The following FAM118B variants were observed in gnomAD, a reference collection of about 807,000 sequenced individuals.
FAM118B encodes the protein SIR2 antiphage like 1.
Under a neutral mutation model 38.5 loss-of-function variants are expected in FAM118B, and 24 were observed. That is an observed-to-expected ratio of 0.62 (90% CI 0.45 to 0.88). The LOEUF (loss-of-function observed/expected upper bound fraction) is 0.88, where lower values mean the gene tolerates loss of function less well. Among genes scored for constraint, FAM118B ranks in the 40% least tolerant of loss-of-function variants. The probability of loss-of-function intolerance (pLI) is 0.00; values close to 1 mark genes in which losing one functional copy is unlikely to be tolerated. For missense variants in FAM118B, 334 were observed against 420.0 expected, an observed-to-expected ratio of 0.80 and a Z score of 1.79; for synonymous variants, 138 against 156.3, an observed-to-expected ratio of 0.88 and a Z score of 0.87.
intron 4 of FAM118B, among the ~76,000 whole-genome samples, chr11:126,249,056 A>C (rs1451149483): frequency 6.6e-6 from 1 of 152,224 alleles, no homozygotes; most frequent in Non-Finnish European, 1.5e-5. Flanking sequence ...TCTGAAAAGC[A>C]GTTATTTAAG....
chr11:126,217,224 G>A (rs1393434891), intron 1 of FAM118B, among the ~76,000 whole-genome samples: 2 of 152,292 alleles, frequency 1.3e-5, no homozygotes, highest in East Asian at 3.9e-4. Context: ...TTGAGAGTCT[G>A]CTGTATCTTC....
At chr11:126,218,847 A>G (rs1950018160) in intron 1 of FAM118B, among the ~76,000 whole-genome samples, 2 of 152,148 alleles carry the variant, frequency 1.3e-5, no homozygotes, top group African/African-American at 4.8e-5. Context: ...AGGCTTGGAG[A>G]ACCTTTTAGT....
At chr11:126,225,029 G>A (rs1205454061) in intron 1 of FAM118B, among the ~76,000 whole-genome samples, 1 of 152,192 alleles carries the variant, frequency 6.6e-6, no homozygotes, top group African/African-American at 2.4e-5. Flanking sequence ...TCTCTTTTAT[G>A]TGAATAAGAA....
chr11:126,246,602 T>G (rs1019141567), intron 4 of FAM118B, among the ~76,000 whole-genome samples: 1 of 152,076 alleles, frequency 6.6e-6, no homozygotes, highest in Non-Finnish European at 1.5e-5. Context: ...GGGAACAGGT[T>G]TTTTTTCTTT....
At chr11:126,240,126 G>A (rs1950336213) in intron 3 of FAM118B, among the ~76,000 whole-genome samples, 1 of 152,144 alleles carries the variant, frequency 6.6e-6, no homozygotes, top group Non-Finnish European at 1.5e-5. Context: ...TCTCACATAT[G>A]GGCCTCAGAA....
intron 2 of FAM118B, among the ~76,000 whole-genome samples, chr11:126,229,551 T>C (rs1319604204): frequency 6.6e-6 from 1 of 152,144 alleles, no homozygotes; most frequent in Non-Finnish European, 1.5e-5. Context: ...CAAGCGACTC[T>C]ACTGCCTCAG....
chr11:126,247,189 G>A (rs1182154369), intron 4 of FAM118B, among the ~76,000 whole-genome samples: 1 of 152,148 alleles, frequency 6.6e-6, no homozygotes, highest in Non-Finnish European at 1.5e-5. Context: ...CCACTTGGGA[G>A]ACTGAGGCAG....
intron 2 of FAM118B, among the ~76,000 whole-genome samples, chr11:126,231,746 G>C (rs1291803906): frequency 6.6e-6 from 1 of 152,186 alleles, no homozygotes; most frequent in Non-Finnish European, 1.5e-5. Flanking sequence ...TTCAGGTCTA[G>C]ACATCATGAA....
At chr11:126,221,000 A>G (rs570388137) in intron 1 of FAM118B, among the ~76,000 whole-genome samples, 1 of 152,238 alleles carries the variant, frequency 6.6e-6, no homozygotes, top group African/African-American at 2.4e-5. Flanking sequence ...CAGCCTGGCC[A>G]ACATAGTGAA....
intron 1 of FAM118B, among the ~76,000 whole-genome samples, chr11:126,227,746 A>C (rs1950161507): frequency 6.6e-6 from 1 of 152,160 alleles, no homozygotes; most frequent in Admixed American, 6.5e-5. Flanking sequence ...CTTAATCACT[A>C]CAGACAGTTA....
intron 4 of FAM118B, among the ~76,000 whole-genome samples, chr11:126,246,880 A>T (rs941076451): frequency 1.7e-4 from 26 of 152,160 alleles, no homozygotes; most frequent in African/African-American, 6.0e-4. Flanking sequence ...TTATGTTTTC[A>T]TTCCTTTGTC....
At position 126,240,872 on chromosome 11, in the gene FAM118B, C is replaced by T. The variant is rs753783931; in HGVS notation, c.167C>T (p.Ala56Val). Reference sequence around the variant, plus strand: ...GGAACAGGCATTAGTGCTGCAGTTGCGCCCCAAGTTCCAGCCCTCAAATCC... The same window carrying T: ...GGAACAGGCATTAGTGCTGCAGTTGTGCCCCAAGTTCCAGCCCTCAAATCC... ...VIGTGISAAV[A>V]PQVPALKSWK... Residue 56 changes from alanine (A) to valine (V), a missense_variant, in exon 4 of 9, where the codon GCG becomes GTG. Transcript: ENST00000533050. The T allele has an allele frequency of 8.7e-6, 14 of 1,614,030 alleles. No individual in the cohort carries two copies. Among genetic ancestry groups the T allele is most frequent in the East Asian group, 2.2e-5 (1 of 44,904 alleles).
intron 3 of FAM118B, among the ~76,000 whole-genome samples, chr11:126,236,065 C>A (rs1232748287): frequency 6.6e-6 from 1 of 152,216 alleles, no homozygotes; most frequent in African/African-American, 2.4e-5. Flanking sequence ...ATTCTTCCTT[C>A]TGGATGCTAG....
chr11:126,236,880 C>T (rs775673301), intron 3 of FAM118B, among the ~76,000 whole-genome samples: 1 of 115,900 alleles, frequency 8.6e-6, no homozygotes, highest in Non-Finnish European at 1.8e-5. Context: ...TTTGTTTGTT[C>T]ATTTTTTCAT....
Position 126,255,914 on chromosome 11 carries a change from C to T in FAM118B, c.697-653C>T, listed in dbSNP as rs1351025060. Among the ~76,000 whole-genome samples, 1 of 152,126 alleles carries T rather than the reference C, an allele frequency of 6.6e-6. No homozygotes were observed. Among genetic ancestry groups the T allele is most frequent in the Non-Finnish European group, 1.5e-5 (1 of 68,022 alleles). On this transcript the variant is annotated intron_variant, in intron 6 of 8. Transcript: ENST00000533050. The surrounding 1 kb of genome is among the most constrained non-coding windows in gnomAD (Gnocchi z 4.6). Reference sequence around the variant, plus strand: ...GAGGTTGCAGTGAGCCAAGACCATGCCACTGCACTCCAGCCTAGGTGGCAG... The same window carrying T: ...GAGGTTGCAGTGAGCCAAGACCATGTCACTGCACTCCAGCCTAGGTGGCAG...
chr11:126,261,424 G>A lies in FAM118B; in HGVS notation c.983-1G>A. On this transcript the variant is annotated splice_acceptor_variant, in intron 7 of 8. Coordinates refer to ENST00000533050, the MANE Select transcript of FAM118B (RefSeq NM_024556.4). LOFTEE classifies it high-confidence loss of function. ...GTCTGATGCTGATGTCCTCTATTTA[G>A]CAGGGATGGTGAGAGAAGGTCAGCT... 6.2e-7 allele frequency: 1 copy of A among 1,613,572 alleles called. No individual in the cohort carries two copies. Among genetic ancestry groups the A allele is most frequent in the Non-Finnish European group, 8.5e-7 (1 of 1,179,570 alleles).
At position 126,262,340 on chromosome 11, in the gene FAM118B, C is replaced by A. The variant is rs2135231330; in HGVS notation, c.*207C>A. 3.5e-3 allele frequency: 1,388 copies of A among 395,140 alleles called. No individual in the cohort carries two copies. Among genetic ancestry groups the A allele is most frequent in the East Asian group, 5.3e-3 (98 of 18,472 alleles). The allele number at this position is 395,140 out of a possible 1,614,324, so 24.5% of individuals were successfully genotyped here. ...TGATATTCTGCCGCCTGTTCAAGTT[C>A]AAGAATAAAAGCGACAGCAGGACCC... On this transcript the variant is annotated 3_prime_UTR_variant, in exon 9 of 9. Transcript: ENST00000533050.
chr11:126,229,078 C>T (rs1009383559), intron 1 of FAM118B, 147 bp from the exon 2 acceptor site: 2 of 151,934 alleles, frequency 1.3e-5, no homozygotes, highest in Non-Finnish European at 2.9e-5. Context: ...GTTATCTTGC[C>T]CTTAAAGAGT....
intron 4 of FAM118B, chr11:126,245,428 A>C (rs1950407078): frequency 2.6e-5 from 4 of 152,258 alleles, no homozygotes; most frequent in Admixed American, 2.6e-4. Flanking sequence ...CAGCATGGCA[A>C]AGGATTCTCA....
Sources: gnomAD v4.1 joint callset for allele counts (sites outside exome capture counted in the v4.1 genomes callset) on GRCh38, gnomAD v4.1.1 for gene constraint, Gnocchi (gnomAD v3.1) non-coding constraint, MANE v1.5 for transcripts, NCBI Gene and HGNC (gene_info 2026-07-23, HGNC 2026-07-21) for gene names.